Variants in NBAS observed in about 807,000 individuals in gnomAD.
NBAS encodes the protein NBAS subunit of NRZ tethering complex.
Under a neutral mutation model 302.5 loss-of-function variants are expected in NBAS, and 219 were observed. That is an observed-to-expected ratio of 0.72 (90% CI 0.65 to 0.81). The LOEUF (loss-of-function observed/expected upper bound fraction) is 0.81. NBAS is among the 30% of genes least tolerant of loss of function. NBAS has a pLI of 0.00. For synonymous variants in NBAS, 1,118 were observed against 1,021.6 expected, an observed-to-expected ratio of 1.09 and a Z score of -1.80; for missense variants, 2,932 against 2,841.6, an observed-to-expected ratio of 1.03 and a Z score of -0.72.
intron 8 of NBAS, among the ~76,000 whole-genome samples, chr2:15,535,391 G>C (rs563082856): frequency 1.3e-5 from 2 of 151,908 alleles, no homozygotes; most frequent in African/African-American, 4.8e-5. Context: ...GTTTGGTGGC[G>C]GGCACCTGCA....
intron 43 of NBAS, 105 bp from the exon 44 acceptor site, chr2:15,275,923 T>C: frequency 2.1e-6 from 2 of 972,004 alleles, no homozygotes; most frequent in Non-Finnish European, 3.1e-6. Flanking sequence ...AACGCAAAGA[T>C]CTATCAACTT....
chr2:14,860,709 AG>A, the NBAS span, among the ~76,000 whole-genome samples: 2 of 152,164 alleles, frequency 1.3e-5, no homozygotes, highest in South Asian at 2.1e-4. Flanking sequence ...GGAAGGATGA[AG>A]GGAGGGTGAT....
chr2:15,269,088 TGCCTGGGAA>T (rs1261196663), intron 44 of NBAS, among the ~76,000 whole-genome samples: 1 of 152,142 alleles, frequency 6.6e-6, no homozygotes, highest in East Asian at 1.9e-4. Flanking sequence ...GTGGGAAACC[TGCCTGGGAA>T]GCAGGTTTCT....
At chr2:15,042,780 C>G in the NBAS span, among the ~76,000 whole-genome samples, 1 of 152,216 alleles carries the variant, frequency 6.6e-6, no homozygotes, top group African/African-American at 2.4e-5. Context: ...ATTCTGGAAT[C>G]TTCACACACC....
At chr2:15,530,092 A>AT (rs934698816) in intron 9 of NBAS, among the ~76,000 whole-genome samples, 2 of 152,154 alleles carry the variant, frequency 1.3e-5, no homozygotes, top group African/African-American at 4.8e-5. Context: ...AGTTAGCTAG[A>AT]TTTTTGAAAC....
chr2:14,858,747 A>G, the NBAS span, among the ~76,000 whole-genome samples: 1 of 152,034 alleles, frequency 6.6e-6, no homozygotes, highest in Admixed American at 6.6e-5. Flanking sequence ...AATAAGAACT[A>G]GTACTTGCTA....
intron 35 of NBAS, among the ~76,000 whole-genome samples, chr2:15,351,649 G>A (rs556417432): frequency 7.9e-5 from 12 of 152,120 alleles, no homozygotes; most frequent in African/African-American, 2.7e-4. Flanking sequence ...CTGCACTCTA[G>A]CCTGGCAAAA....
chr2:15,287,730 C>A (rs1244637178), intron 41 of NBAS, among the ~76,000 whole-genome samples: 1 of 151,848 alleles, frequency 6.6e-6, no homozygotes, highest in African/African-American at 2.4e-5. Context: ...CAGGAATCCC[C>A]AGGTAGGCAT....
At chr2:15,142,775 A>T in the NBAS span, among the ~76,000 whole-genome samples, 631 of 152,318 alleles carry the variant, frequency 4.1e-3, 8 homozygotes, top group South Asian at 0.027. Context: ...CATTCCATGG[A>T]TAGAAACACA....
At chr2:15,559,996 A>G (rs1319741760) in intron 1 of NBAS, among the ~76,000 whole-genome samples, 4 of 152,206 alleles carry the variant, frequency 2.6e-5, no homozygotes, top group African/African-American at 9.6e-5. Context: ...AAAATAAATT[A>G]TTCATGATAA....
At chr2:14,881,439 A>G in the NBAS span, among the ~76,000 whole-genome samples, 117 of 152,320 alleles carry the variant, frequency 7.7e-4, 1 homozygote, top group Admixed American at 2.4e-3. Context: ...TGATGGGTTC[A>G]CTAGAAGTCT....
At chr2:14,961,227 G>A in the NBAS span, among the ~76,000 whole-genome samples, 1 of 152,120 alleles carries the variant, frequency 6.6e-6, no homozygotes, top group African/African-American at 2.4e-5. Flanking sequence ...GGAAAGGTGG[G>A]AAGGGAAAAA....
chr2:14,829,114 G>A, the NBAS span, among the ~76,000 whole-genome samples: 1 of 151,632 alleles, frequency 6.6e-6, no homozygotes, highest in East Asian at 1.9e-4. Context: ...AAGTCTGACA[G>A]GATGAGGCCC....
At chr2:15,056,749 T>C in the NBAS span, among the ~76,000 whole-genome samples, 1 of 151,920 alleles carries the variant, frequency 6.6e-6, no homozygotes, top group African/African-American at 2.4e-5. Context: ...TGCTTTCTTG[T>C]GCTCTTCAAA....
intron 21 of NBAS, among the ~76,000 whole-genome samples, chr2:15,444,693 A>G: frequency 6.6e-6 from 1 of 151,524 alleles, no homozygotes; most frequent in African/African-American, 2.4e-5. Context: ...ACAGCAAAAG[A>G]AACTACCATC....
the NBAS span, among the ~76,000 whole-genome samples, chr2:15,022,944 T>A: frequency 2.4e-4 from 36 of 151,984 alleles, no homozygotes; most frequent in Non-Finnish European, 4.7e-4. Context: ...AGTTTTTTTT[T>A]ATTTTTTTTT....
intron 28 of NBAS, among the ~76,000 whole-genome samples, chr2:15,392,425 G>T (rs1169161613): frequency 1.3e-5 from 2 of 151,818 alleles, no homozygotes; most frequent in East Asian, 3.9e-4. Context: ...CCCAGAAAAG[G>T]TAGAGGACAT....
At chr2:14,859,207 T>C in the NBAS span, among the ~76,000 whole-genome samples, 26 of 152,134 alleles carry the variant, frequency 1.7e-4, no homozygotes, top group South Asian at 5.4e-3. Flanking sequence ...TAAAGAAAGA[T>C]ATTCCATGCT....
intron 44 of NBAS, among the ~76,000 whole-genome samples, chr2:15,247,940 G>A (rs1005899206): frequency 4.6e-5 from 7 of 151,986 alleles, no homozygotes; most frequent in African/African-American, 1.7e-4. Flanking sequence ...ACTCAGCTCT[G>A]GACCAAGCGG....
Sources: allele counts gnomAD v4.1 joint callset (sites outside exome capture counted in the v4.1 genomes callset), GRCh38; gene constraint gnomAD v4.1.1; transcripts MANE v1.5; gene names NCBI Gene and HGNC (gene_info 2026-07-23, HGNC 2026-07-21).